Variants in AVIL observed in about 807,000 individuals in gnomAD.
The protein encoded by AVIL is advillin.
In AVIL, 78 loss-of-function variants were observed where a neutral mutation model predicts 109.9. The observed-to-expected ratio is 0.71, with a 90% CI of 0.59 to 0.86. The LOEUF (loss-of-function observed/expected upper bound fraction) is 0.86. AVIL is among the 40% of genes least tolerant of loss of function. AVIL has a pLI of 0.00. For synonymous variants in AVIL, 367 were observed against 379.1 expected (o/e 0.97, Z 0.37); for missense variants, 892 against 1,016.5 (o/e 0.88, Z 1.67).
intron 10 of AVIL, 31 bp downstream of exon 10, chr12:57,808,364 C>T: frequency 6.2e-7 from 1 of 1,614,104 alleles, no homozygotes; most frequent in Non-Finnish European, 8.5e-7. Flanking sequence ...AGAGTCTTAG[C>T]AATGAGAGGA....
chr12:57,807,358 G>A lies in AVIL; in HGVS notation c.1464C>T (p.Ile488=). The change falls in exon 13 of 20, where the codon ATC becomes ATT. Residue 488 remains isoleucine (I), a synonymous_variant. Transcript: ENST00000549994. ...MGTEPRHFMA[I]FKGKLVIFEG... The stretch of plus-strand genomic sequence containing the variant: ...CAAAGATAACTAGCTTCCCTTTGAA[G>A]ATGGCCATGAAGTGGCGTGGCTCCG... The A allele has an allele frequency of 6.2e-7, 1 of 1,614,200 alleles. No homozygotes were observed. The highest frequency in any genetic ancestry group is 8.5e-7 in the Non-Finnish European group (1 of 1,180,038).
At chr12:57,806,791 C>T (rs1441115237) in intron 13 of AVIL, among the ~76,000 whole-genome samples, 1 of 152,154 alleles carries the variant, frequency 6.6e-6, no homozygotes, top group Non-Finnish European at 1.5e-5. Context: ...CTCATTATAA[C>T]TCTTATGAAG....
At chr12:57,815,693 C>T (rs1049776693) in intron 2 of AVIL, 1 of 1,373,584 alleles carries the variant, frequency 7.3e-7, no homozygotes, top group Non-Finnish European at 9.5e-7. Context: ...AGGGTGTTTC[C>T]TGCAAGTGCA....
chr12:57,802,587 C>T, intron 16 of AVIL: 1 of 709,812 alleles, frequency 1.4e-6, no homozygotes, highest in South Asian at 1.5e-5. Flanking sequence ...TGTCTCTGAA[C>T]TTCAGCTTCC....
In AVIL at chr12:57,799,933, A is replaced by G. The variant is rs1280456157; in HGVS notation, c.2221-13T>C. 6.2e-7 allele frequency: 1 copy of G among 1,614,050 alleles called. No individual in the cohort carries two copies. The highest frequency in any genetic ancestry group is 1.1e-5 in the South Asian group (1 of 91,090). ...CATTCTTCATGTCCTAGGTAAGATA[A>G]GAATGTAGGCACAGGGAAAAGACTC... On this transcript the variant is annotated splice_polypyrimidine_tract_variant and intron_variant, in intron 18 of 19. Transcript: ENST00000549994.
chr12:57,799,226 G>A (rs1955797370), intron 19 of AVIL, among the ~76,000 whole-genome samples: 1 of 152,160 alleles, frequency 6.6e-6, no homozygotes, highest in South Asian at 2.1e-4. Context: ...GGAGAAGGAT[G>A]TTTTTTCAGG....
rs1307065559 is a variant in AVIL, at chr12:57,806,373, A to G, written c.1658T>C (p.Leu553Pro). 9.3e-6 allele frequency: 15 copies of G among 1,613,914 alleles called. No homozygotes were observed. Among genetic ancestry groups the G allele is most frequent in the South Asian group, 2.2e-5 (2 of 91,082 alleles). ...FLLRTQAEHY[L>P]WYGKGSSGDE... ...CAGCCATCCTACCTTGCCATACCAC[A>G]GGTAGTGCTCTGCCTGAGTTCGCAG... Residue 553 changes from leucine to proline, a missense_variant, in exon 14 of 20, where the codon CTG becomes CCG. By Grantham distance (98) the Leu-to-Pro change is moderately conservative. Transcript: ENST00000549994.
intron 2 of AVIL, 192 bp from the exon 3 acceptor site, chr12:57,814,418 C>T: frequency 1.7e-6 from 1 of 587,974 alleles, no homozygotes; most frequent in Non-Finnish European, 3.0e-6. Context: ...GTGAGCTCTG[C>T]TTGCATCACC....
chr12:57,802,447 C>G, intron 16 of AVIL, 99 bp from the exon 17 acceptor site: 11 of 1,376,254 alleles, frequency 8.0e-6, no homozygotes, highest in African/African-American at 1.4e-5. Flanking sequence ...CTTTCGTGAG[C>G]AATTCACAGC....
In AVIL at chr12:57,807,452, G is replaced by A. The variant is rs1447072514; in HGVS notation, c.1370C>T (p.Ala457Val). Reference sequence around the variant, plus strand: ...CCGATCCACCTCCACTGCCTGGTATGCTGAGGCTGCCAGCTCATCCTGTGA... The same window carrying A: ...CCGATCCACCTCCACTGCCTGGTATACTGAGGCTGCCAGCTCATCCTGTGA... The part of the protein sequence containing the change: ...HASQDELAAS[A>V]YQAVEVDRQF... The change falls in exon 13 of 20, where the codon GCA (alanine) becomes GTA (valine). Residue 457 changes from alanine (A) to valine (V), a missense_variant. Transcript: ENST00000549994. 4 of 1,614,144 alleles carry A rather than the reference G, an allele frequency of 2.5e-6. No homozygotes were observed. In the African/African-American group the frequency reaches 5.3e-5, roughly 22 times the overall value.
At chr12:57,815,510 G>A (rs933878394) in intron 2 of AVIL, 23 of 1,124,614 alleles carry the variant, frequency 2.0e-5, no homozygotes, top group Admixed American at 1.1e-4. Context: ...GCTCACAGCC[G>A]CACAGAGGGT....
intron 1 of AVIL, among the ~76,000 whole-genome samples, chr12:57,816,996 A>AG (rs1305661651): frequency 1.3e-5 from 2 of 151,472 alleles, no homozygotes; most frequent in African/African-American, 4.9e-5. Flanking sequence ...GGGTGGGGAG[A>AG]GGGGGGAAGT....
Position 57,810,372 on chromosome 12 carries a change from C to G in AVIL, c.738G>C (p.Gln246His), listed in dbSNP as rs906555815. ...ACTGATACAACATGATAGTTGATTT[C>G]TGCTTCTGATCTATGATCTCATCAG... ...TVPDEIIDQKQKSTIMLYHIS... is the reference protein window; with the variant it reads ...TVPDEIIDQKHKSTIMLYHIS... Residue 246 changes from glutamine to histidine, a missense_variant, in exon 7 of 20, where the codon CAG becomes CAC. Transcript: ENST00000549994. 1.2e-6 allele frequency: 2 copies of G among 1,614,102 alleles called. No individual in the cohort carries two copies. Among genetic ancestry groups the G allele is most frequent in the Non-Finnish European group, 1.7e-6 (2 of 1,180,050 alleles).
intron 7 of AVIL, 51 bp from the exon 8 acceptor site, chr12:57,809,941 G>A (rs894228022): frequency 1.3e-6 from 2 of 1,578,450 alleles, no homozygotes; most frequent in African/African-American, 2.7e-5. Context: ...AAAGCATCTT[G>A]TAGTCAACTA....
intron 9 of AVIL, 147 bp from the exon 10 acceptor site, chr12:57,808,695 A>G: frequency 5.2e-6 from 5 of 970,504 alleles, no homozygotes; most frequent in Non-Finnish European, 7.4e-6. Flanking sequence ...CTTTTGTCTA[A>G]GGACCAAGGT....
chr12:57,809,227 T>G (rs1449688555), intron 9 of AVIL: 1 of 240,428 alleles, frequency 4.2e-6, no homozygotes, highest in Non-Finnish European at 8.2e-6. Flanking sequence ...CTTGAACTCC[T>G]TACCTCAGGT....
At chr12:57,817,895 T>C (rs1956116753) in intron 1 of AVIL, among the ~76,000 whole-genome samples, 2 of 152,186 alleles carry the variant, frequency 1.3e-5, no homozygotes, top group Admixed American at 1.3e-4. Context: ...TTCAGTATCC[T>C]TTGAGAGGAC....
chr12:57,809,050 G>C (rs1955997410), intron 9 of AVIL: 1 of 166,898 alleles, frequency 6.0e-6, no homozygotes, highest in African/African-American at 2.4e-5. Flanking sequence ...ACCTAGGCTG[G>C]AGTGCCGTGG....
At position 57,807,449 on chromosome 12, in the gene AVIL, T is replaced by C; in HGVS notation, c.1373A>G (p.Tyr458Cys). The change falls in exon 13 of 20, where the codon TAC (tyrosine) becomes TGC (cysteine). Residue 458 changes from tyrosine (Y) to cysteine (C), a missense_variant. By Grantham distance (194) the Tyr-to-Cys change is radical. Transcript: ENST00000549994. ...CTGCCGATCCACCTCCACTGCCTGGTATGCTGAGGCTGCCAGCTCATCCTG... is the reference window on the plus strand; with the variant it reads ...CTGCCGATCCACCTCCACTGCCTGGCATGCTGAGGCTGCCAGCTCATCCTG... ...ASQDELAASA[Y>C]QAVEVDRQFD... 1 of 1,614,230 alleles carries C rather than the reference T, an allele frequency of 6.2e-7. No individual in the cohort carries two copies. The highest frequency in any genetic ancestry group is 8.5e-7 in the Non-Finnish European group (1 of 1,180,042).
Sources: gnomAD v4.1 joint callset for allele counts (sites outside exome capture counted in the v4.1 genomes callset) on GRCh38, gnomAD v4.1.1 for gene constraint, MANE v1.5 for transcripts, NCBI Gene and HGNC (gene_info 2026-07-23, HGNC 2026-07-21) for gene names.